NLRP1: variants seen among roughly 807,000 people sequenced by gnomAD.
NLRP1 encodes NACHT, LRR and PYD domains-containing protein 1.
NLRP1 carries 94 observed loss-of-function variants against 136.7 expected under a neutral mutation model. The ratio of observed to expected loss-of-function variants is 0.69; its 90% confidence interval spans 0.58 to 0.82. The LOEUF is 0.82. Ranked by LOEUF, NLRP1 falls within the 40% of genes least tolerant of loss-of-function variation. NLRP1 has a pLI of 0.00. For synonymous variants in NLRP1, 690 were observed against 725.1 expected, an observed-to-expected ratio of 0.95 and a Z score of 0.78; for missense variants, 1,575 against 1,802.7, an observed-to-expected ratio of 0.87 and a Z score of 2.29.
At position 5,507,652 on chromosome 17, in the gene NLRP1, G is replaced by A. The variant is rs60511622; in HGVS notation, c.4070-5780C>T. 2.2e-3 allele frequency among the ~76,000 whole-genome samples: 336 copies of A among 152,172 alleles called. 1 individual carries two copies. Among genetic ancestry groups the A allele is most frequent in the African/African-American group, 7.6e-3 (316 of 41,502 alleles). On this transcript the variant is annotated intron_variant, in intron 15 of 15. Coordinates refer to the NLRP1 transcript ENST00000262467. The stretch of plus-strand genomic sequence containing the variant: ...ATCCTGGCTAACACAGTGAAACCCC[G>A]TCTCTATTAAAGATACAAAAAATTA...
rs1905902901 is a variant in NLRP1, at chr17:5,583,231, C to T, written c.272-385G>A. On this transcript the variant is annotated intron_variant, in intron 1 of 16. Coordinates refer to ENST00000572272, the MANE Select transcript of NLRP1 (RefSeq NM_033004.4). The surrounding 1 kb of genome is among the most constrained non-coding windows in gnomAD (Gnocchi z 4.5). ...GCAATGGGAGATCTTATTTATTGAG[C>T]ACTTACTGTATATCAGACTCTGTGC... is the stretch of plus-strand genomic sequence containing the variant. Among the ~76,000 whole-genome samples, 1 of 152,272 alleles carries T rather than the reference C, an allele frequency of 6.6e-6. No homozygotes were observed. Among genetic ancestry groups the T allele is most frequent in the South Asian group, 2.1e-4 (1 of 4,824 alleles).
intron 3 of NLRP1, among the ~76,000 whole-genome samples, chr17:5,573,585 C>T (rs1031862807): frequency 6.6e-6 from 1 of 152,202 alleles, no homozygotes; most frequent in East Asian, 1.9e-4. Context: ...CAGACTGACA[C>T]CTCACACAGC....
chr17:5,504,161 A>G lies in NLRP1; in HGVS notation c.4070-2289T>C. The G allele has an allele frequency of 6.7e-6, 1 of 150,084 alleles. No individual in the cohort carries two copies. Among genetic ancestry groups the G allele is most frequent in the African/African-American group, 2.4e-5 (1 of 41,246 alleles). 9.3% of individuals were successfully genotyped at this position (150,084 alleles called of 1,614,324 possible). ...ATAGCAGCAGCAGCAGCAGCAGCCAATCACTGGCCACCGACTGTGTGCTGG... is the reference window on the plus strand; with the variant it reads ...ATAGCAGCAGCAGCAGCAGCAGCCAGTCACTGGCCACCGACTGTGTGCTGG... On this transcript the variant is annotated intron_variant, in intron 15 of 15. Coordinates refer to the NLRP1 transcript ENST00000262467. This position sits in a 1 kb window ranked among gnomAD's most constrained non-coding sequence, Gnocchi z 4.4.
intron 12 of NLRP1, among the ~76,000 whole-genome samples, chr17:5,522,252 C>T (rs911591743): frequency 2.0e-5 from 3 of 152,244 alleles, no homozygotes; most frequent in Admixed American, 2.0e-4. Context: ...TGTCCTCCTA[C>T]AATTCATATG....
chr17:5,515,774 T>C (rs796248144), intron 15 of NLRP1, among the ~76,000 whole-genome samples: 2 of 152,350 alleles, frequency 1.3e-5, no homozygotes, highest in South Asian at 2.1e-4. Flanking sequence ...AAATGAGCGA[T>C]AGCAATTTCT....
chr17:5,512,294 C>CA, downstream of NLRP1: 1 of 1,516,998 alleles, frequency 6.6e-7, no homozygotes, highest in South Asian at 1.1e-5. Context: ...TCTCCACAGA[C>CA]AAAACATTCT....
chr17:5,563,470 T>C (rs1398147259), intron 3 of NLRP1, among the ~76,000 whole-genome samples: 1 of 152,198 alleles, frequency 6.6e-6, no homozygotes, highest in African/African-American at 2.4e-5. Context: ...ACTACAAGAA[T>C]TTCATAATAC....
intron 12 of NLRP1, among the ~76,000 whole-genome samples, chr17:5,523,033 C>T (rs1169019530): frequency 6.6e-6 from 1 of 152,154 alleles, no homozygotes; most frequent in Non-Finnish European, 1.5e-5. Flanking sequence ...GTGACCAAGA[C>T]TTGACTAAGT....
intron 3 of NLRP1, among the ~76,000 whole-genome samples, chr17:5,560,915 T>C (rs1364893384): frequency 6.6e-6 from 1 of 152,250 alleles, no homozygotes; most frequent in Non-Finnish European, 1.5e-5. Context: ...TGAGGTTATA[T>C]ACACCATTGT....
chr17:5,580,621 T>C (rs1905534233), intron 3 of NLRP1, among the ~76,000 whole-genome samples: 1 of 152,210 alleles, frequency 6.6e-6, no homozygotes, highest in Non-Finnish European at 1.5e-5. Flanking sequence ...AATGAGGTAG[T>C]CTTTGTGGTT....
At chr17:5,542,196 G>T (rs1911953105) in intron 5 of NLRP1, among the ~76,000 whole-genome samples, 169 bp from the exon 6 acceptor site, 1 of 151,810 alleles carries the variant, frequency 6.6e-6, no homozygotes, top group Non-Finnish European at 1.5e-5. Context: ...GATAGACATA[G>T]AAACACATAA....
In NLRP1 at chr17:5,533,512, T is replaced by C. The variant is rs1318796882; in HGVS notation, c.3053-128A>G. 2.8e-5 allele frequency: 16 copies of C among 576,474 alleles called. No homozygotes were observed. In the Admixed American group the frequency reaches 4.2e-4, roughly 15 times the overall value. 35.7% of individuals were successfully genotyped at this position (576,474 alleles called of 1,614,324 possible). A position where few individuals can be genotyped will look rare whatever the true frequency, so the allele number is the denominator to read the frequency against. On this transcript the variant is annotated intron_variant, in intron 9 of 16. Coordinates refer to ENST00000572272, the MANE Select transcript of NLRP1 (RefSeq NM_033004.4). ...TTTAGGCTGCAGTGAGCCATGAACA[T>C]GCCACTGCACTCCAGCCTGAACACT...
rs529211819 is a variant in NLRP1 at position 5,564,827 on chromosome 17, T to C, written c.653-4784A>G. Among the ~76,000 whole-genome samples the C allele has an allele frequency of 2.6e-4, 37 of 141,530 alleles. 2 individuals carry two copies. The South Asian group carries it at 8.2e-3, about 31-fold the overall frequency. The allele number at this position is 141,530 out of a possible 152,430, so 92.8% of individuals were successfully genotyped here. A position where few individuals can be genotyped will look rare whatever the true frequency, so the allele number is the denominator to read the frequency against. On this transcript the variant is annotated intron_variant, in intron 3 of 16. Transcript: ENST00000572272. ...ATCTTGGCTCACTGCAAGCTCCGCC[T>C]CCTGGGTTCACACCATTCTGCTGCC...
chr17:5,528,380 A>G (rs1377605032), intron 12 of NLRP1, among the ~76,000 whole-genome samples: 1 of 152,182 alleles, frequency 6.6e-6, no homozygotes, highest in Non-Finnish European at 1.5e-5. Context: ...CTACAATTCC[A>G]GAGCTGTCTT....
rs183538877 is a variant in NLRP1, at chr17:5,523,830, G to A, written c.3521-2044C>T. ...TACTTAAGTTTTGTCATTTAACTGC[G>A]TTTTTGGGATGAAAATAAAGTCACA... On this transcript the variant is annotated intron_variant, in intron 12 of 16. Coordinates refer to ENST00000572272, the MANE Select transcript of NLRP1 (RefSeq NM_033004.4). 1.8e-3 allele frequency among the ~76,000 whole-genome samples: 267 copies of A among 152,318 alleles called. 1 individual carries two copies. Among genetic ancestry groups the A allele is most frequent in the South Asian group, 8.5e-3 (41 of 4,824 alleles).
At position 5,559,354 on chromosome 17, in the gene NLRP1, T is replaced by C. The variant is rs75791559; in HGVS notation, c.1342A>G (p.Ile448Val). The C allele has an allele frequency of 5.6e-4, 907 of 1,613,976 alleles. 8 individuals are homozygous for C. The African/African-American group carries it at 0.011, about 19-fold the overall frequency. ...ATCAGGAAGGATGCCTCGGGAAGTA[T>C]AGTTTTCCCCAGCAAACTGCCCAGC... ...ALLGSLLGKT[I>V]LPEASFLITA... The change falls in exon 4 of 17, where the codon ATA (isoleucine) becomes GTA (valine). Residue 448 changes from isoleucine (I) to valine (V), a missense_variant. Transcript: ENST00000572272.
intron 11 of NLRP1, among the ~76,000 whole-genome samples, chr17:5,531,972 G>C (rs192283822): frequency 1.3e-5 from 2 of 152,342 alleles, no homozygotes; most frequent in East Asian, 3.9e-4. Flanking sequence ...GCCAGGCGCG[G>C]TGGCTCACGC....
At position 5,558,860 on chromosome 17, in the gene NLRP1, C is replaced by A; in HGVS notation, c.1836G>T (p.Glu612Asp). ...AGCTGTAGCTCAGAGGGATGGGGTG[C>A]TCTTGAAGAATACCCATCTTCAAGA... ...STFLKMGILQ[E>D]HPIPLSYSFI... Residue 612 changes from glutamate (E) to aspartate (D), a missense_variant, in exon 4 of 17, where the codon GAG becomes GAT. By Grantham distance (45) the Glu-to-Asp change is conservative (BLOSUM62 2). Transcript: ENST00000572272. 1 of 1,614,106 alleles carries A rather than the reference C, an allele frequency of 6.2e-7. No individual in the cohort carries two copies. The highest frequency in any genetic ancestry group is 1.1e-5 in the South Asian group (1 of 91,078).
At chr17:5,560,883 T>TA (rs1268645794) in intron 3 of NLRP1, among the ~76,000 whole-genome samples, 1 of 152,222 alleles carries the variant, frequency 6.6e-6, no homozygotes, top group African/African-American at 2.4e-5. Flanking sequence ...TGATGGAAGA[T>TA]ACCTCATGAC....
Sources: allele counts gnomAD v4.1 joint callset (sites outside exome capture counted in the v4.1 genomes callset), GRCh38; gene constraint gnomAD v4.1.1; non-coding constraint Gnocchi (gnomAD v3.1); transcripts MANE v1.5; gene names NCBI Gene and HGNC (gene_info 2026-07-23, HGNC 2026-07-21).